IKZF4: variants seen among roughly 807,000 people sequenced by gnomAD.
IKZF4 encodes zinc finger protein Eos.
IKZF4 carries 11 observed loss-of-function variants against 47.7 expected under a neutral mutation model. That is an observed-to-expected ratio of 0.23 (90% CI 0.15 to 0.38). The LOEUF is 0.38. IKZF4 is among the 10% of genes least tolerant of loss of function. IKZF4 has a pLI of 1.00. For missense variants in IKZF4, 557 were observed against 784.9 expected, an observed-to-expected ratio of 0.71 and a Z score of 3.47; for synonymous variants, 298 against 299.4, an observed-to-expected ratio of 1.00 and a Z score of 0.05.
chr12:56,021,139 C>T lies in IKZF4; in HGVS notation c.-355C>T, dbSNP rs1271044400. ...CTGCCTTTCCCTCCCTGTGCACACA[C>T]CCACCACCCACCCCCTTCACTGTCT... On this transcript the variant is annotated 5_prime_UTR_variant, in exon 1 of 8. Coordinates refer to ENST00000547167, the MANE Select transcript of IKZF4 (RefSeq NM_022465.4). 2 of 1,407,780 alleles carry T rather than the reference C, an allele frequency of 1.4e-6. No individual in the cohort carries two copies. Among genetic ancestry groups the T allele is most frequent in the Non-Finnish European group, 1.8e-6 (2 of 1,083,128 alleles). 87.2% of individuals were successfully genotyped at this position (1,407,780 alleles called of 1,614,324 possible). A position where few individuals can be genotyped will look rare whatever the true frequency, so the allele number is the denominator to read the frequency against.
At chr12:56,007,543 G>A (rs989677867), upstream of IKZF4, 4 of 157,342 alleles carry the variant, frequency 2.5e-5, no homozygotes, top group Non-Finnish European at 5.6e-5. Flanking sequence ...TGGAGCCGCC[G>A]CCACCGCCGC....
intron 7 of IKZF4, 27 bp downstream of exon 7, chr12:56,033,348 C>G: frequency 6.2e-7 from 1 of 1,613,316 alleles, no homozygotes; most frequent in Non-Finnish European, 8.5e-7. Flanking sequence ...AAAGACGTAT[C>G]AGCTTTAAGC....
At chr12:56,017,223 T>TCCCCACC (rs1892202549), upstream of IKZF4, among the ~76,000 whole-genome samples, 2 of 122,436 alleles carry the variant, frequency 1.6e-5, no homozygotes, top group Non-Finnish European at 3.3e-5. Context: ...AAATTCAGAC[T>TCCCCACC]CCCCCCCCGC....
chr12:56,025,223 A>G, intron 3 of IKZF4, 65 bp downstream of exon 3: 1 of 1,446,190 alleles, frequency 6.9e-7, no homozygotes, highest in Non-Finnish European at 9.1e-7. Context: ...CCTTCAATTC[A>G]CCTTCCACTG....
chr12:56,034,791 G>T lies in IKZF4; in HGVS notation c.1218G>T (p.Met406Ile). Residue 406 changes from methionine to isoleucine, a missense_variant, in exon 8 of 8, where the codon ATG (methionine) becomes ATT (isoleucine). By Grantham distance (10) the Met-to-Ile change is conservative. Transcript: ENST00000547167. Reference protein sequence around the residue: ...TPVISSVYTQMQPLPGRLELP... With the variant: ...TPVISSVYTQIQPLPGRLELP... ...TCATCAGCTCTGTCTACACCCAGAT[G>T]CAGCCCCTCCCTGGTCGACTGGAGC... The T allele has an allele frequency of 6.2e-7, 1 of 1,614,040 alleles. No homozygotes were observed. The highest frequency in any genetic ancestry group is 8.5e-7 in the Non-Finnish European group (1 of 1,179,898).
chr12:56,028,233 C>T (rs758785550), intron 5 of IKZF4, among the ~76,000 whole-genome samples: 41 of 152,068 alleles, frequency 2.7e-4, no homozygotes, highest in Non-Finnish European at 4.4e-4. Context: ...TGGCTGTTAA[C>T]GGTCACCCTT....
rs1892851853 is a variant in IKZF4, at chr12:56,021,190, A to C, written c.-304A>C. ...TGGAAAAGGGATGCTGTAGCCTAGC[A>C]TCTCCCCCACTATATACACATATAC... is the stretch of plus-strand genomic sequence containing the variant. On this transcript the variant is annotated 5_prime_UTR_variant, in exon 1 of 8. Transcript: ENST00000547167. 9 of 1,239,766 alleles carry C rather than the reference A, an allele frequency of 7.3e-6. No homozygotes were observed. Among genetic ancestry groups the C allele is most frequent in the Middle Eastern group, 3.3e-4 (1 of 2,990 alleles). 76.8% of individuals were successfully genotyped at this position (1,239,766 alleles called of 1,614,324 possible).
At chr12:56,007,606 AC>A, upstream of IKZF4, 1 of 155,258 alleles carries the variant, frequency 6.4e-6, no homozygotes, top group Non-Finnish European at 1.4e-5. Context: ...CGCCTCAGTG[AC>A]CCCACTCCCC....
chr12:56,021,251 G>A lies in IKZF4; in HGVS notation c.-243G>A, dbSNP rs1444317516. On this transcript the variant is annotated 5_prime_UTR_variant, in exon 1 of 8. It adds an upstream start codon to the 5' untranslated region. Transcript: ENST00000547167. ...GCCCCCTCCCCAAGCACATCCAAGC[G>A]TGCTCTCCCCTCTCCTTCTCTCCCT... 72 of 1,418,476 alleles carry A rather than the reference G, an allele frequency of 5.1e-5. No individual in the cohort carries two copies. Among genetic ancestry groups the A allele is most frequent in the Non-Finnish European group, 5.7e-5 (62 of 1,082,356 alleles). 87.9% of individuals were successfully genotyped at this position (1,418,476 alleles called of 1,614,324 possible).
chr12:56,021,156 T>G lies in IKZF4; in HGVS notation c.-338T>G. 14 of 1,319,428 alleles carry G rather than the reference T, an allele frequency of 1.1e-5. No individual in the cohort carries two copies. The highest frequency in any genetic ancestry group is 6.5e-5 in the East Asian group (2 of 30,798). 81.7% of individuals were successfully genotyped at this position (1,319,428 alleles called of 1,614,324 possible). A position where few individuals can be genotyped will look rare whatever the true frequency, so the allele number is the denominator to read the frequency against. On this transcript the variant is annotated 5_prime_UTR_variant, in exon 1 of 8. Coordinates refer to ENST00000547167, the MANE Select transcript of IKZF4 (RefSeq NM_022465.4). Reference sequence around the variant, plus strand: ...TGCACACACCCACCACCCACCCCCTTCACTGTCTTGGAAAAGGGATGCTGT... The same window carrying G: ...TGCACACACCCACCACCCACCCCCTGCACTGTCTTGGAAAAGGGATGCTGT...
At position 56,025,074 on chromosome 12, in the gene IKZF4, GAGA is replaced by G; in HGVS notation, c.205_207del (p.Lys69del). On this transcript the variant is annotated inframe_deletion, in exon 3 of 8. Coordinates refer to ENST00000547167, the MANE Select transcript of IKZF4 (RefSeq NM_022465.4). ...CCAAGGTAGCGGGGACTCATCTCTG[GAGA>G]AGGAGTTCCTCGGGGCCCCAGTGGG... 1 of 1,595,230 alleles carries G rather than the reference GAGA, an allele frequency of 6.3e-7. No homozygotes were observed. The highest frequency in any genetic ancestry group is 8.5e-7 in the Non-Finnish European group (1 of 1,171,052).
In IKZF4 at chr12:56,037,555, A is replaced by C. The variant is rs1206311529; in HGVS notation, c.*2224A>C. 1.3e-5 allele frequency: 2 copies of C among 152,478 alleles called. No homozygotes were observed. The highest frequency in any genetic ancestry group is 2.9e-5 in the Non-Finnish European group (2 of 68,120). The allele number at this position is 152,478 out of a possible 1,614,324, so 9.4% of individuals were successfully genotyped here. A position where few individuals can be genotyped will look rare whatever the true frequency, so the allele number is the denominator to read the frequency against. ...CATAAGGACTAGTCCCTTCTGGGGT[A>C]TCAGAGCCTTAGGGTGCCCCCATCC... On this transcript the variant is annotated 3_prime_UTR_variant, in exon 8 of 8. Coordinates refer to ENST00000547167, the MANE Select transcript of IKZF4 (RefSeq NM_022465.4).
chr12:56,011,637 T>TGAAA (rs1891334907), intron 2 of IKZF4: 1 of 152,228 alleles, frequency 6.6e-6, no homozygotes, highest in South Asian at 2.1e-4. Flanking sequence ...CTGAGCTGTC[T>TGAAA]TCAACTGTAT....
In IKZF4 at chr12:56,026,833, G is replaced by A. The variant is rs371712300; in HGVS notation, c.339G>A (p.Leu113=). The part of the protein sequence containing the change: ...MYSDEESSRL[L]GPDERLLEKD... ...GCGATGAGGAGTCAAGCAGACTGCT[G>A]GGGCCAGATGAGCGGCTCCTGGAAA... is the stretch of plus-strand genomic sequence containing the variant. Residue 113 remains leucine (L), a synonymous_variant, in exon 4 of 8, where the codon CTG becomes CTA. Coordinates refer to ENST00000547167, the MANE Select transcript of IKZF4 (RefSeq NM_022465.4). 5.8e-5 allele frequency: 93 copies of A among 1,611,094 alleles called. No individual in the cohort carries two copies. Among genetic ancestry groups the A allele is most frequent in the Admixed American group, 2.9e-4 (17 of 59,568 alleles).
At chr12:56,011,641 A>C (rs1035406174) in intron 2 of IKZF4, 25 of 152,210 alleles carry the variant, frequency 1.6e-4, no homozygotes, top group African/African-American at 6.0e-4. Context: ...GCTGTCTTCA[A>C]CTGTATTATA....
chr12:56,025,823 C>G (rs966306849), intron 3 of IKZF4, among the ~76,000 whole-genome samples: 2 of 152,198 alleles, frequency 1.3e-5, no homozygotes, highest in Non-Finnish European at 2.9e-5. Context: ...TGTTAACTTG[C>G]TGGCTTCCTG....
At chr12:56,018,506 A>G (rs1342547231), upstream of IKZF4, among the ~76,000 whole-genome samples, 3 of 152,186 alleles carry the variant, frequency 2.0e-5, no homozygotes, top group Non-Finnish European at 4.4e-5. Flanking sequence ...CCAGCCAAAC[A>G]TGAAATCCTG....
chr12:56,037,724 C>T lies in IKZF4; in HGVS notation c.*2393C>T, dbSNP rs1463048339. ...GGGAGAGGGGGCATCCTGTCTCTCT[C>T]CAGACCATCACTGCACTTTAACCAG... On this transcript the variant is annotated 3_prime_UTR_variant, in exon 8 of 8. Transcript: ENST00000547167. 6.6e-6 allele frequency: 1 copy of T among 152,534 alleles called. No individual in the cohort carries two copies. Among genetic ancestry groups the T allele is most frequent in the Non-Finnish European group, 1.5e-5 (1 of 68,064 alleles). The allele number at this position is 152,534 out of a possible 1,614,324, so 9.4% of individuals were successfully genotyped here. A position where few individuals can be genotyped will look rare whatever the true frequency, so the allele number is the denominator to read the frequency against.
intron 1 of IKZF4, among the ~76,000 whole-genome samples, chr12:56,008,502 AC>A (rs1356727115): frequency 2.0e-5 from 3 of 151,956 alleles, no homozygotes; most frequent in African/African-American, 7.3e-5. Context: ...GTAGGTTCTC[AC>A]TTTTTAAATT....
Sources: allele counts gnomAD v4.1 joint callset (sites outside exome capture counted in the v4.1 genomes callset), GRCh38; gene constraint gnomAD v4.1.1; transcripts MANE v1.5; gene names NCBI Gene and HGNC (gene_info 2026-07-23, HGNC 2026-07-21).